Variants in DGKB observed in about 807,000 individuals in gnomAD.
DGKB encodes the protein diacylglycerol kinase beta.
Under a neutral mutation model 114.3 loss-of-function variants are expected in DGKB, and 67 were observed. The observed-to-expected ratio is 0.59, with a 90% CI of 0.48 to 0.72. The LOEUF (loss-of-function observed/expected upper bound fraction) is 0.72. DGKB is among the 30% of genes least tolerant of loss of function. The probability of loss-of-function intolerance (pLI) is 0.00; values close to 1 mark genes in which losing one functional copy is unlikely to be tolerated. For synonymous variants in DGKB, 398 were observed against 323.1 expected (o/e 1.23, Z -2.49); for missense variants, 907 against 975.2 (o/e 0.93, Z 0.93).
intron 20 of DGKB, among the ~76,000 whole-genome samples, chr7:14,524,518 G>A (rs574282647): frequency 6.6e-6 from 1 of 152,176 alleles, no homozygotes; most frequent in Non-Finnish European, 1.5e-5. Context: ...GACTTTGGGA[G>A]GCCAAGGCGG....
intron 20 of DGKB, among the ~76,000 whole-genome samples, chr7:14,536,688 G>A (rs972228357): frequency 1.3e-5 from 2 of 152,012 alleles, no homozygotes; most frequent in Non-Finnish European, 2.9e-5. Flanking sequence ...ACACAATAAT[G>A]GTCACATATG....
intron 23 of DGKB, among the ~76,000 whole-genome samples, chr7:14,226,996 C>T (rs1037809870): frequency 6.6e-6 from 1 of 152,038 alleles, no homozygotes; most frequent in African/African-American, 2.4e-5. Context: ...CCTCCACCTT[C>T]TAAGTAACTG....
intron 19 of DGKB, among the ~76,000 whole-genome samples, chr7:14,575,752 C>T (rs796517077): frequency 5.5e-4 from 84 of 152,250 alleles, no homozygotes; most frequent in African/African-American, 1.8e-3. Context: ...GTCGGAACAA[C>T]ATTTTCAGTT....
chr7:14,868,671 T>C (rs1852031982), intron 1 of DGKB, among the ~76,000 whole-genome samples: 1 of 152,116 alleles, frequency 6.6e-6, no homozygotes, highest in African/African-American at 2.4e-5. Flanking sequence ...ATTTTACCTA[T>C]AATGAGAAAT....
At chr7:14,652,330 C>G (rs1814723460) in intron 13 of DGKB, among the ~76,000 whole-genome samples, 1 of 152,078 alleles carries the variant, frequency 6.6e-6, no homozygotes, top group South Asian at 2.1e-4. Context: ...GAACAGAGCC[C>G]TCAGAAATAA....
chr7:14,773,746 C>T (rs1837748548), intron 2 of DGKB, among the ~76,000 whole-genome samples: 1 of 152,012 alleles, frequency 6.6e-6, no homozygotes, highest in Non-Finnish European at 1.5e-5. Context: ...TTGCTGTGGG[C>T]AAAAGCTGAG....
At chr7:14,675,912 T>G (rs1819774760) in intron 12 of DGKB, among the ~76,000 whole-genome samples, 1 of 152,072 alleles carries the variant, frequency 6.6e-6, no homozygotes, top group Non-Finnish European at 1.5e-5. Context: ...GGGCATCATG[T>G]TAGGAGTACG....
Position 14,694,187 on chromosome 7 carries a change from T to C in DGKB, c.599A>G (p.His200Arg), listed in dbSNP as rs766096226. ...ATAGTCAATTTCTTCCATCATTTCA[T>C]GGAGGATCTGGAGTAGAGGAGATAA... ...WDVTELNPIL[H>R]EMMEEIDYDH... The change falls in exon 9 of 26, where the codon CAT (histidine) becomes CGT (arginine). Residue 200 changes from histidine (H) to arginine (R), a missense_variant. This residue lies in a region of DGKB where 814 missense variants were observed against 856.6 expected (regional missense o/e 0.95). Transcript: ENST00000402815. 27 of 1,566,404 alleles carry C rather than the reference T, an allele frequency of 1.7e-5. No homozygotes were observed. The highest frequency in any genetic ancestry group is 2.3e-5 in the Non-Finnish European group (26 of 1,154,272).
At chr7:14,818,641 A>G (rs1316411825) in intron 2 of DGKB, among the ~76,000 whole-genome samples, 1 of 152,238 alleles carries the variant, frequency 6.6e-6, no homozygotes, top group Non-Finnish European at 1.5e-5. Context: ...TTTGGAAAAG[A>G]AAAAGAACTG....
intron 13 of DGKB, among the ~76,000 whole-genome samples, chr7:14,663,997 T>C (rs1245794020): frequency 6.6e-6 from 1 of 151,878 alleles, no homozygotes; most frequent in Non-Finnish European, 1.5e-5. Context: ...GTTCATGAAA[T>C]CTTTACACTT....
intron 23 of DGKB, among the ~76,000 whole-genome samples, chr7:14,247,747 A>G (rs944259828): frequency 1.3e-5 from 2 of 151,338 alleles, no homozygotes; most frequent in African/African-American, 4.9e-5. Context: ...TTTACTATTA[A>G]CTCTTTATCA....
At chr7:14,460,028 C>T (rs1461270331) in intron 21 of DGKB, among the ~76,000 whole-genome samples, 1 of 152,126 alleles carries the variant, frequency 6.6e-6, no homozygotes, top group Non-Finnish European at 1.5e-5. Flanking sequence ...AAATAAAATA[C>T]TTTACAGGCA....
intron 23 of DGKB, among the ~76,000 whole-genome samples, chr7:14,255,119 G>C (rs992374706): frequency 2.0e-5 from 3 of 152,176 alleles, no homozygotes; most frequent in Non-Finnish European, 4.4e-5. Context: ...GTCTGAATCT[G>C]TTGTCAGAAC....
At chr7:14,692,020 A>T (rs1822958168) in intron 9 of DGKB, among the ~76,000 whole-genome samples, 1 of 152,154 alleles carries the variant, frequency 6.6e-6, no homozygotes, top group Admixed American at 6.5e-5. Context: ...TTGAAATAAT[A>T]CTACACTAGA....
chr7:14,856,265 T>C (rs1423311045), intron 1 of DGKB, among the ~76,000 whole-genome samples: 1 of 152,072 alleles, frequency 6.6e-6, no homozygotes, highest in African/African-American at 2.4e-5. Context: ...ACTACCTCAG[T>C]AGAACAGAAA....
At chr7:14,226,784 T>C (rs1790869981) in intron 23 of DGKB, among the ~76,000 whole-genome samples, 1 of 152,066 alleles carries the variant, frequency 6.6e-6, no homozygotes, top group African/African-American at 2.4e-5. Context: ...ATAACACATA[T>C]AAGATTGCAA....
chr7:14,758,691 T>C (rs1462400159), intron 2 of DGKB, among the ~76,000 whole-genome samples: 2 of 152,190 alleles, frequency 1.3e-5, no homozygotes, highest in Admixed American at 6.5e-5. Flanking sequence ...ATACTTGGAC[T>C]ACCACAAAAT....
At chr7:14,927,768 A>G (rs1396981414) in intron 1 of DGKB, among the ~76,000 whole-genome samples, 1 of 152,000 alleles carries the variant, frequency 6.6e-6, no homozygotes, top group African/African-American at 2.4e-5. Context: ...CATCAAAAGA[A>G]TATTTCAAAA....
intron 6 of DGKB, among the ~76,000 whole-genome samples, chr7:14,711,207 C>T (rs1585883950): frequency 6.6e-6 from 1 of 152,000 alleles, no homozygotes; most frequent in Non-Finnish European, 1.5e-5. Flanking sequence ...AGTTAATGCT[C>T]TATAAATCCT....
Sources: allele counts gnomAD v4.1 joint callset (sites outside exome capture counted in the v4.1 genomes callset), GRCh38; gene constraint gnomAD v4.1.1; regional missense constraint gnomAD v4.1.1; transcripts MANE v1.5; gene names NCBI Gene and HGNC (gene_info 2026-07-23, HGNC 2026-07-21).